The following SYNE2 variants were observed in gnomAD, a reference collection of about 807,000 sequenced individuals.
The protein encoded by SYNE2 is spectrin repeat containing nuclear envelope protein 2.
In SYNE2, 431 loss-of-function variants were observed where a neutral mutation model predicts 856.3. That is an observed-to-expected ratio of 0.50 (90% CI 0.47 to 0.55). The LOEUF (loss-of-function observed/expected upper bound fraction) is 0.55. SYNE2 is among the 20% of genes least tolerant of loss of function. The pLI is 0.00. For synonymous variants in SYNE2, 2,923 were observed against 2,872.3 expected (o/e 1.02, Z -0.56); for missense variants, 8,129 against 8,023.2 (o/e 1.01, Z -0.50).
At chr14:64,188,248 CT>C (rs1326889468) in intron 97 of SYNE2, among the ~76,000 whole-genome samples, 1 of 152,178 alleles carries the variant, frequency 6.6e-6, no homozygotes, top group Non-Finnish European at 1.5e-5. Context: ...TTCATCTAGC[CT>C]TTCCTGTTTC....
chr14:64,081,535 CTAT>C lies in SYNE2; in HGVS notation c.11440_11442del (p.Tyr3814del). 6.2e-7 allele frequency: 1 copy of C among 1,614,198 alleles called. No individual in the cohort carries two copies. The highest frequency in any genetic ancestry group is 8.5e-7 in the Non-Finnish European group (1 of 1,180,028). ...GTCATTTGCTGGCCAATCCTGCTGACTATGACTCTTTGAGGACACTGAGTCACC... is the reference window on the plus strand; with the variant it reads ...GTCATTTGCTGGCCAATCCTGCTGACGACTCTTTGAGGACACTGAGTCACC... On this transcript the variant is annotated inframe_deletion, in exon 57 of 116. Transcript: ENST00000555002.
At chr14:63,797,323 G>A (rs901934861) in intron 1 of SYNE2, among the ~76,000 whole-genome samples, 5 of 151,632 alleles carry the variant, frequency 3.3e-5, no homozygotes, top group South Asian at 4.2e-4. Flanking sequence ...CCCAGGAGGC[G>A]GAGGTTGCAG....
At chr14:63,966,967 G>C (rs1276622637) in intron 10 of SYNE2, among the ~76,000 whole-genome samples, 3 of 152,070 alleles carry the variant, frequency 2.0e-5, no homozygotes, top group Admixed American at 6.5e-5. Flanking sequence ...CCTGGTTCAA[G>C]CGATTCTCCT....
chr14:63,824,884 A>G (rs1889362015), intron 1 of SYNE2, among the ~76,000 whole-genome samples: 1 of 152,056 alleles, frequency 6.6e-6, no homozygotes, highest in Non-Finnish European at 1.5e-5. Context: ...TTGTAAACCC[A>G]GCACTTTGGG....
At chr14:64,020,987 C>T (rs983827769) in intron 35 of SYNE2, among the ~76,000 whole-genome samples, 2 of 152,038 alleles carry the variant, frequency 1.3e-5, no homozygotes, top group African/African-American at 4.8e-5. Flanking sequence ...TAATTTTTTT[C>T]CATATATTTT....
At chr14:64,100,532 A>AAAAAAAAAAAATATATC (rs61193283) in intron 63 of SYNE2, among the ~76,000 whole-genome samples, 1 of 43,202 alleles carries the variant, frequency 2.3e-5, no homozygotes, top group Non-Finnish European at 4.3e-5. Context: ...AAAAAAAAAA[A>AAAAAAAAAAAATATATC]TATATATATA....
intron 2 of SYNE2, 85 bp from the exon 3 acceptor site, chr14:63,940,529 C>T (rs1595763738): frequency 8.9e-6 from 11 of 1,230,580 alleles, no homozygotes; most frequent in South Asian, 1.2e-5. Flanking sequence ...ACACACCTAG[C>T]GTGACAGACC....
chr14:63,766,072 CTT>C (rs1886671323), intron 1 of SYNE2, among the ~76,000 whole-genome samples: 1 of 148,260 alleles, frequency 6.7e-6, no homozygotes, highest in South Asian at 2.1e-4. Context: ...ATAAAAATCT[CTT>C]GAGTGGATTT....
At chr14:64,173,939 A>G in intron 94 of SYNE2, 1 of 698,144 alleles carries the variant, frequency 1.4e-6, no homozygotes, top group Non-Finnish European at 2.6e-6. Context: ...TCTCTTAAAA[A>G]ACAGGACCTT....
intron 1 of SYNE2, among the ~76,000 whole-genome samples, chr14:63,856,303 T>G (rs1566622205): frequency 6.6e-6 from 1 of 152,228 alleles, no homozygotes; most frequent in Non-Finnish European, 1.5e-5. Context: ...TGAATAACTT[T>G]CTGAGATTAT....
intron 11 of SYNE2, among the ~76,000 whole-genome samples, chr14:63,968,171 AAG>A (rs1304391289): frequency 6.6e-6 from 1 of 152,188 alleles, no homozygotes; most frequent in Non-Finnish European, 1.5e-5. Context: ...TCAAAAAAAA[AAG>A]AACATTTTCA....
At chr14:64,171,167 C>T (rs1281601021) in intron 94 of SYNE2, among the ~76,000 whole-genome samples, 1 of 152,198 alleles carries the variant, frequency 6.6e-6, no homozygotes, top group African/African-American at 2.4e-5. Flanking sequence ...GCCTGATGAG[C>T]ACAGGATTAG....
rs1023639497 is a variant in SYNE2 at position 64,098,115 on chromosome 14, G to C, written c.12275G>C (p.Gly4092Ala). The change falls in exon 62 of 116, where the codon GGA (glycine) becomes GCA (alanine). Residue 4092 changes from glycine (G) to alanine (A), a missense_variant. This residue lies in a region of SYNE2 where 5,410 missense variants were observed against 5,284.8 expected (regional missense o/e 1.02). Transcript: ENST00000555002. ...CCAGCTGTAACATCAGAGGAAGGTG[G>C]AGTGGCAGAGAGGGATGCTTCTGAG... ...RLPAVTSEEG[G>A]VAERDASERK... 6.2e-7 allele frequency: 1 copy of C among 1,614,012 alleles called. No individual in the cohort carries two copies. Among genetic ancestry groups the C allele is most frequent in the Non-Finnish European group, 8.5e-7 (1 of 1,180,002 alleles).
chr14:63,944,900 T>C (rs2096000290), intron 6 of SYNE2, among the ~76,000 whole-genome samples: 1 of 136,040 alleles, frequency 7.4e-6, no homozygotes, highest in African/African-American at 2.8e-5. Context: ...TTTTGGCTCC[T>C]GAATTCAAGT....
chr14:64,169,543 G>C (rs1442064388), intron 93 of SYNE2, among the ~76,000 whole-genome samples: 5 of 152,138 alleles, frequency 3.3e-5, no homozygotes, highest in Non-Finnish European at 7.3e-5. Flanking sequence ...AAATGGCCTG[G>C]CCATTTAAAT....
At position 64,052,736 on chromosome 14, in the gene SYNE2, G is replaced by A. The variant is rs559913411; in HGVS notation, c.8823G>A (p.Lys2941=). ...ATACATGTAATGAAGTGGAACACAA[G>A]ATAAAGTTTTGCAGACAATTCCATG... ...IQNTCNEVEH[K]IKFCRQFHEK... The change falls in exon 48 of 116, where the codon AAG becomes AAA. Residue 2941 remains lysine (K), a synonymous_variant. Coordinates refer to ENST00000555002, the MANE Select transcript of SYNE2 (RefSeq NM_182914.3). The A allele has an allele frequency of 7.4e-6, 12 of 1,613,422 alleles. No individual in the cohort carries two copies. The highest frequency in any genetic ancestry group is 2.2e-5 in the East Asian group (1 of 44,876).
intron 1 of SYNE2, among the ~76,000 whole-genome samples, chr14:63,779,436 T>C (rs888223470): frequency 9.5e-6 from 1 of 105,808 alleles, no homozygotes; most frequent in Non-Finnish European, 2.1e-5. Flanking sequence ...GCTTGACTGG[T>C]CTCAAAAAAA....
chr14:64,150,007 C>CTTTTTTTTTTT (rs755126549), intron 84 of SYNE2, among the ~76,000 whole-genome samples: 3 of 94,418 alleles, frequency 3.2e-5, no homozygotes, highest in East Asian at 3.3e-4. Flanking sequence ...TTTTTCTTTT[C>CTTTTTTTTTTT]TTTTTTTTTT....
Position 64,210,033 on chromosome 14 carries a change from C to A in SYNE2, c.18632C>A (p.Thr6211Lys). The stretch of plus-strand genomic sequence containing the variant: ...CTGGCCCGGGAGAACCGCACAGACA[C>A]GGCCAGCAGGCTGAAGCAGATGGTC... ...RRLARENRTDTASRLKQMVHE... is the reference protein window; with the variant it reads ...RRLARENRTDKASRLKQMVHE... Residue 6211 changes from threonine (T) to lysine (K), a missense_variant, in exon 103 of 116, where the codon ACG becomes AAG. Thr to Lys is a moderately conservative substitution (Grantham distance 78). Transcript: ENST00000555002. 1.9e-6 allele frequency: 3 copies of A among 1,614,120 alleles called. No homozygotes were observed. The highest frequency in any genetic ancestry group is 1.1e-5 in the South Asian group (1 of 91,086).
Sources: gnomAD v4.1 joint callset for allele counts (sites outside exome capture counted in the v4.1 genomes callset) on GRCh38, gnomAD v4.1.1 for gene constraint, gnomAD v4.1.1 regional missense constraint, MANE v1.5 for transcripts, NCBI Gene and HGNC (gene_info 2026-07-23, HGNC 2026-07-21) for gene names.